TRPM6: variants seen among roughly 807,000 people sequenced by gnomAD.
TRPM6 encodes the protein transient receptor potential cation channel subfamily M member 6.
In TRPM6, 111 loss-of-function variants were observed where a neutral mutation model predicts 247.6. The ratio of observed to expected loss-of-function variants is 0.45; its 90% CI spans 0.38 to 0.52. The LOEUF (loss-of-function observed/expected upper bound fraction) is 0.52. Ranked by LOEUF, TRPM6 falls within the 20% of genes least tolerant of loss-of-function variation. TRPM6 has a pLI of 0.00. For synonymous variants in TRPM6, 892 were observed against 853.8 expected (o/e 1.04, Z -0.78); for missense variants, 2,126 against 2,421.5 (o/e 0.88, Z 2.56).
chr9:74,826,732 CTTTCTTTT>C (rs1314001244), intron 7 of TRPM6: 103 of 118,700 alleles, frequency 8.7e-4, no homozygotes, highest in East Asian at 1.8e-3. Context: ...TTTTCTTTTT[CTTTCTTTT>C]TTTTTTTTTT....
At chr9:74,777,945 G>A (rs1192156797) in intron 23 of TRPM6, among the ~76,000 whole-genome samples, 4 of 152,174 alleles carry the variant, frequency 2.6e-5, no homozygotes, top group African/African-American at 9.7e-5. Flanking sequence ...AAAATGAAAG[G>A]TCACTCTTTT....
At chr9:74,863,066 G>C (rs1439688801) in intron 1 of TRPM6, among the ~76,000 whole-genome samples, 2 of 151,422 alleles carry the variant, frequency 1.3e-5, no homozygotes, top group East Asian at 3.9e-4. Flanking sequence ...TTGTTTTTTT[G>C]AGACGGAGTT....
At chr9:74,850,285 T>C (rs1469329139) in intron 3 of TRPM6, among the ~76,000 whole-genome samples, 3 of 151,860 alleles carry the variant, frequency 2.0e-5, no homozygotes, top group African/African-American at 7.3e-5. Flanking sequence ...AGCACGAGAA[T>C]CGCTTGAACC....
chr9:74,753,720 T>G (rs999941854), intron 28 of TRPM6, among the ~76,000 whole-genome samples: 36 of 152,106 alleles, frequency 2.4e-4, no homozygotes, highest in African/African-American at 8.7e-4. Flanking sequence ...AGAGAGAGAA[T>G]GCTACCTGAC....
At chr9:74,849,314 G>A (rs1299415514) in intron 3 of TRPM6, among the ~76,000 whole-genome samples, 1 of 141,528 alleles carries the variant, frequency 7.1e-6, no homozygotes, top group Non-Finnish European at 1.5e-5. Context: ...TTGCACCATT[G>A]CACTCCAGCC....
intron 11 of TRPM6, among the ~76,000 whole-genome samples, chr9:74,816,465 G>GAAAAAAAAAA: frequency 1.1e-5 from 1 of 93,644 alleles, no homozygotes; most frequent in Non-Finnish European, 2.1e-5. Flanking sequence ...GCAGAGCCAG[G>GAAAAAAAAAA]AAAAAAAAAA....
intron 1 of TRPM6, among the ~76,000 whole-genome samples, chr9:74,884,012 G>A (rs1031202645): frequency 6.6e-6 from 1 of 152,112 alleles, no homozygotes; most frequent in Non-Finnish European, 1.5e-5. Flanking sequence ...AGCTGGGCAT[G>A]GTGGCACATG....
In TRPM6 at chr9:74,874,922, AT is replaced by A. The variant is rs34049471; in HGVS notation, c.33+12901del. Among the ~76,000 whole-genome samples the A allele has an allele frequency of 8.1e-3, 1,162 of 142,620 alleles. 13 individuals are homozygous for A. The highest frequency in any genetic ancestry group is 0.024 in the African/African-American group (947 of 38,772). The allele number at this position is 142,620 out of a possible 152,430, so 93.6% of individuals were successfully genotyped here. ...AGGCATGCACCACCATGCCCAGCTA[AT>A]TTTTTTTTTTTTTGCTACTTTTAGT... On this transcript the variant is annotated intron_variant, in intron 1 of 38. Coordinates refer to ENST00000360774, the MANE Select transcript of TRPM6 (RefSeq NM_017662.5).
chr9:74,830,869 C>T lies in TRPM6; in HGVS notation c.670-2920G>A, dbSNP rs186372145. Among the ~76,000 whole-genome samples, 210 of 133,564 alleles carry T rather than the reference C, an allele frequency of 1.6e-3. 2 individuals are homozygous for T. Among genetic ancestry groups the T allele is most frequent in the African/African-American group, 5.6e-3 (204 of 36,494 alleles). 87.6% of individuals were successfully genotyped at this position (133,564 alleles called of 152,430 possible). On this transcript the variant is annotated intron_variant, in intron 6 of 38. Coordinates refer to ENST00000360774, the MANE Select transcript of TRPM6 (RefSeq NM_017662.5). ...GCCTCGGCCTCGGCCTCCCAAAGTA[C>T]TGGGGTTATAGGCATGAGCCACCAT... is the stretch of plus-strand genomic sequence containing the variant.
intron 20 of TRPM6, 73 bp from the exon 21 acceptor site, chr9:74,786,198 T>G: frequency 6.5e-7 from 1 of 1,536,440 alleles, no homozygotes; most frequent in Non-Finnish European, 9.0e-7. Context: ...TCTTCTTAAA[T>G]ACACAAACCA....
chr9:74,780,954 G>A (rs1587497834), intron 23 of TRPM6, among the ~76,000 whole-genome samples: 1 of 152,104 alleles, frequency 6.6e-6, no homozygotes, highest in Non-Finnish European at 1.5e-5. Flanking sequence ...AGTATGTTGG[G>A]AAAGAGGGGA....
rs1350251163 is a variant in TRPM6 at position 74,723,342 on chromosome 9, A to G, written c.*1271T>C. 6.6e-6 allele frequency: 1 copy of G among 152,156 alleles called. No homozygotes were observed. Among genetic ancestry groups the G allele is most frequent in the Non-Finnish European group, 1.5e-5 (1 of 68,032 alleles). 9.4% of individuals were successfully genotyped at this position (152,156 alleles called of 1,614,324 possible). A position where few individuals can be genotyped will look rare whatever the true frequency, so the allele number is the denominator to read the frequency against. On this transcript the variant is annotated 3_prime_UTR_variant, in exon 39 of 39. Coordinates refer to ENST00000360774, the MANE Select transcript of TRPM6 (RefSeq NM_017662.5). ...CGTATCTTTCTTCATAGGACCTGAC[A>G]TAAAGTAATTTAACCTGCAATATTA...
intron 1 of TRPM6, chr9:74,887,575 C>T: frequency 6.7e-7 from 1 of 1,495,226 alleles, no homozygotes; most frequent in Non-Finnish European, 9.0e-7. Flanking sequence ...GCTATGGCCG[C>T]ATCCCAGCTC....
intron 7 of TRPM6, 33 bp from the exon 8 acceptor site, chr9:74,821,870 A>G: frequency 6.2e-7 from 1 of 1,613,510 alleles, no homozygotes; most frequent in South Asian, 1.1e-5. Flanking sequence ...CCACACTGTT[A>G]GAGAATCCCT....
At chr9:74,795,717 C>A (rs1021612884) in intron 18 of TRPM6, among the ~76,000 whole-genome samples, 4 of 152,130 alleles carry the variant, frequency 2.6e-5, no homozygotes, top group African/African-American at 9.7e-5. Context: ...TAATTTAGTC[C>A]TAAGAAAACT....
chr9:74,856,161 A>G (rs1830514304), intron 2 of TRPM6, among the ~76,000 whole-genome samples: 1 of 152,124 alleles, frequency 6.6e-6, no homozygotes, highest in African/African-American at 2.4e-5. Context: ...TTTTTGGGCC[A>G]GGCACAGTGG....
At chr9:74,805,992 A>G (rs1828513403) in intron 14 of TRPM6, among the ~76,000 whole-genome samples, 2 of 152,298 alleles carry the variant, frequency 1.3e-5, no homozygotes, top group South Asian at 4.1e-4. Context: ...CATTGATTAT[A>G]TTAAGGAATT....
Position 74,795,323 on chromosome 9 carries a change from C to T in TRPM6, c.2391+1418G>A, listed in dbSNP as rs117003928. On this transcript the variant is annotated intron_variant, in intron 18 of 38. Transcript: ENST00000360774. ...CAGATCATCTCACTACTCTGGCATA[C>T]ACATTCACTGGCTGTCCGTAACCTA... Among the ~76,000 whole-genome samples, 9 of 152,308 alleles carry T rather than the reference C, an allele frequency of 5.9e-5. No individual in the cohort carries two copies. In the East Asian group the frequency reaches 1.5e-3, roughly 26 times the overall value.
In TRPM6 at chr9:74,723,191, C is replaced by T. The variant is rs1196551142; in HGVS notation, c.*1422G>A. ...CTGCCAGGAGTGCTTCACCTTAGGC[C>T]TCACAAACCAATGACATGTTCTCAG... is the stretch of plus-strand genomic sequence containing the variant. On this transcript the variant is annotated 3_prime_UTR_variant, in exon 39 of 39. Transcript: ENST00000360774. 1 of 152,080 alleles carries T rather than the reference C, an allele frequency of 6.6e-6. No individual in the cohort carries two copies. The highest frequency in any genetic ancestry group is 2.4e-5 in the African/African-American group (1 of 41,388). The allele number at this position is 152,080 out of a possible 1,614,324, so 9.4% of individuals were successfully genotyped here. A position where few individuals can be genotyped will look rare whatever the true frequency, so the allele number is the denominator to read the frequency against.
Sources: gnomAD v4.1 joint callset for allele counts (sites outside exome capture counted in the v4.1 genomes callset) on GRCh38, gnomAD v4.1.1 for gene constraint, MANE v1.5 for transcripts, NCBI Gene and HGNC (gene_info 2026-07-23, HGNC 2026-07-21) for gene names.